ICAM1: variants seen among roughly 807,000 people sequenced by gnomAD.
ICAM1 encodes ICAM-1.
Under a neutral mutation model 42.3 loss-of-function variants are expected in ICAM1, and 28 were observed. That is an observed-to-expected ratio of 0.66 (90% confidence interval 0.49 to 0.91). The LOEUF is 0.91. ICAM1 is among the 40% of genes least tolerant of loss of function. ICAM1 has a pLI of 0.00. For synonymous variants in ICAM1, 304 were observed against 305.9 expected, an observed-to-expected ratio of 0.99 and a Z score of 0.07; for missense variants, 637 against 688.6, an observed-to-expected ratio of 0.93 and a Z score of 0.84.
chr19:10,279,341 C>T (rs1053305145), intron 2 of ICAM1, among the ~76,000 whole-genome samples: 3 of 151,688 alleles, frequency 2.0e-5, no homozygotes, highest in South Asian at 2.1e-4. Context: ...CCCAGGAGTT[C>T]GAGACCAGCC....
At chr19:10,272,305 C>T (rs1452127317) in intron 1 of ICAM1, among the ~76,000 whole-genome samples, 1 of 152,118 alleles carries the variant, frequency 6.6e-6, no homozygotes, top group Non-Finnish European at 1.5e-5. Flanking sequence ...GCGTTCTGAT[C>T]CGGACTCAGA....
rs540860740 is a variant in ICAM1 at position 10,282,690 on chromosome 19, G to GT, written c.332-780dup. On this transcript the variant is annotated intron_variant, in intron 2 of 6. Coordinates refer to ENST00000264832, the MANE Select transcript of ICAM1 (RefSeq NM_000201.3). The stretch of plus-strand genomic sequence containing the variant: ...CTGAGCCATCACACCTGGCCAACAG[G>GT]TTTTTTTTTTTGTTTTGTTTTGTTT... 7.3e-3 allele frequency among the ~76,000 whole-genome samples: 1,032 copies of GT among 141,620 alleles called. 11 individuals are homozygous for GT. Among genetic ancestry groups the GT allele is most frequent in the African/African-American group, 0.023 (912 of 40,130 alleles). 92.9% of individuals were successfully genotyped at this position (141,620 alleles called of 152,430 possible). A position where few individuals can be genotyped will look rare whatever the true frequency, so the allele number is the denominator to read the frequency against.
At chr19:10,273,795 C>T (rs1022215600) in intron 1 of ICAM1, among the ~76,000 whole-genome samples, 5 of 152,134 alleles carry the variant, frequency 3.3e-5, no homozygotes, top group African/African-American at 1.2e-4. Flanking sequence ...GGGCGGATCA[C>T]TTGAGGCCAG....
intron 2 of ICAM1, among the ~76,000 whole-genome samples, chr19:10,276,770 G>A (rs922757066): frequency 2.6e-5 from 4 of 151,584 alleles, no homozygotes; most frequent in East Asian, 2.0e-4. Flanking sequence ...TCAGGAGTTC[G>A]AGACCAGCCT....
intron 1 of ICAM1, among the ~76,000 whole-genome samples, chr19:10,271,690 GT>G (rs2039982317): frequency 6.6e-6 from 1 of 152,198 alleles, no homozygotes. Context: ...GATCATGATG[GT>G]TTGGGAACTT....
At chr19:10,277,267 A>C (rs954688746) in intron 2 of ICAM1, among the ~76,000 whole-genome samples, 4 of 151,228 alleles carry the variant, frequency 2.6e-5, no homozygotes, top group Non-Finnish European at 5.9e-5. Context: ...CGCAACCTTC[A>C]CCTCCTGAGT....
At chr19:10,275,063 G>A (rs543509991) in intron 2 of ICAM1, 35 bp downstream of exon 2, 1 of 1,603,774 alleles carries the variant, frequency 6.2e-7, no homozygotes, top group African/African-American at 1.3e-5. Flanking sequence ...GGACTAGGCA[G>A]ACCCGGTGGG....
chr19:10,271,316 T>C, intron 1 of ICAM1, 90 bp downstream of exon 1: 1 of 1,147,952 alleles, frequency 8.7e-7, no homozygotes, highest in Non-Finnish European at 1.3e-6. Flanking sequence ...CTTAGGTAGC[T>C]GTTTATGGGA....
intron 2 of ICAM1, 161 bp from the exon 3 acceptor site, chr19:10,283,320 C>T: frequency 1.5e-6 from 1 of 651,892 alleles, no homozygotes; most frequent in Admixed American, 2.7e-5. Flanking sequence ...GGCCCTCTTA[C>T]CAGTTTTCAC....
chr19:10,275,134 C>T lies in ICAM1; in HGVS notation c.331+106C>T. On this transcript the variant is annotated intron_variant, in intron 2 of 6. Coordinates refer to ENST00000264832, the MANE Select transcript of ICAM1 (RefSeq NM_000201.3). Reference sequence around the variant, plus strand: ...AATCTTTGCCACTTGCTCGTAGGGTCAAGGAGGGGCTCCTTGCAGGGCAGG... The same window carrying T: ...AATCTTTGCCACTTGCTCGTAGGGTTAAGGAGGGGCTCCTTGCAGGGCAGG... The T allele has an allele frequency of 3.5e-6, 4 of 1,144,548 alleles. No individual in the cohort carries two copies. The Admixed American group carries it at 6.4e-5, about 18-fold the overall frequency. The allele number at this position is 1,144,548 out of a possible 1,614,324, so 70.9% of individuals were successfully genotyped here. A position where few individuals can be genotyped will look rare whatever the true frequency, so the allele number is the denominator to read the frequency against.
rs140768360 is a variant in ICAM1, at chr19:10,284,938, A to G, written c.1336A>G (p.Thr446Ala). Residue 446 changes from threonine (T) to alanine (A), a missense_variant, in exon 6 of 7, where the codon ACT (threonine) becomes GCT (alanine). Physicochemically the swap from Thr to Ala is moderately conservative, Grantham distance 58 (BLOSUM62 0). Transcript: ENST00000264832. This position sits in a 1 kb window ranked among gnomAD's most constrained non-coding sequence, Gnocchi z 5.4. ...TFPLPIGESV[T>A]VTRDLEGTYL... The stretch of plus-strand genomic sequence containing the variant: ...CCCACTGCCCATCGGGGAATCAGTG[A>G]CTGTCACTCGAGATCTTGAGGGCAC... 169 of 1,609,264 alleles carry G rather than the reference A, an allele frequency of 1.1e-4. No homozygotes were observed. In the African/African-American group the frequency reaches 2.1e-3, roughly 20 times the overall value.
Position 10,283,780 on chromosome 19 carries a change from AC to A in ICAM1, c.633del (p.Phe212LeufsTer16). 1 of 1,598,036 alleles carries A rather than the reference AC, an allele frequency of 6.3e-7. No individual in the cohort carries two copies. The highest frequency in any genetic ancestry group is 8.5e-7 in the Non-Finnish European group (1 of 1,171,502). ...ENTSAPYQLQTFVLPATPPQL... is the reference protein window; with the variant it reads ...ENTSAPYQLQXFVLPATPPQL... ...CACCTCGGCCCCCTACCAGCTCCAG[AC>A]CTTTGGTGAGGATTGAAGAAGCCAG... On this transcript the variant is annotated frameshift_variant, in exon 3 of 7. Coordinates refer to ENST00000264832, the MANE Select transcript of ICAM1 (RefSeq NM_000201.3). LOFTEE classifies it high-confidence loss of function.
Position 10,285,318 on chromosome 19 carries a change from C to T in ICAM1, c.*31C>T. ...TCCCGGGACAGGGCCTCTTCCTCGGCCTTCCCATATTGGTGGCAGTGGTGC... is the reference window on the plus strand; with the variant it reads ...TCCCGGGACAGGGCCTCTTCCTCGGTCTTCCCATATTGGTGGCAGTGGTGC... On this transcript the variant is annotated 3_prime_UTR_variant, in exon 7 of 7. Coordinates refer to ENST00000264832, the MANE Select transcript of ICAM1 (RefSeq NM_000201.3). 2.5e-6 allele frequency: 4 copies of T among 1,603,462 alleles called. No homozygotes were observed. The highest frequency in any genetic ancestry group is 3.4e-6 in the Non-Finnish European group (4 of 1,173,462).
chr19:10,275,124 C>A, intron 2 of ICAM1, 96 bp downstream of exon 2: 1 of 1,306,662 alleles, frequency 7.7e-7, no homozygotes, highest in Non-Finnish European at 1.1e-6. Flanking sequence ...TTGCCACTTG[C>A]TCGTAGGGTC....
chr19:10,283,076 T>A (rs1157036832), intron 2 of ICAM1: 1 of 160,348 alleles, frequency 6.2e-6, no homozygotes, highest in Non-Finnish European at 1.4e-5. Flanking sequence ...TGGTGGTGTG[T>A]GCCTGTAATC....
Position 10,284,148 on chromosome 19 carries a change from C to G in ICAM1, c.753C>G (p.His251Gln), listed in dbSNP as rs930526340. ...GLFPVSEAQVHLALGDQRLNP... is the reference protein window; with the variant it reads ...GLFPVSEAQVQLALGDQRLNP... ...TCCCAGTCTCGGAGGCCCAGGTCCA[C>G]CTGGCACTGGGGGACCAGAGGTTGA... is the stretch of plus-strand genomic sequence containing the variant. The change falls in exon 4 of 7, where the codon CAC becomes CAG. Residue 251 changes from histidine to glutamine, a missense_variant. By Grantham distance (24) the His-to-Gln change is conservative. Transcript: ENST00000264832. This position sits in a 1 kb window ranked among gnomAD's most constrained non-coding sequence, Gnocchi z 5.4. 14 of 1,613,988 alleles carry G rather than the reference C, an allele frequency of 8.7e-6. No individual in the cohort carries two copies. The highest frequency in any genetic ancestry group is 1.7e-5 in the Admixed American group (1 of 59,996).
chr19:10,271,272 C>G lies in ICAM1; in HGVS notation c.67+46C>G, dbSNP rs1362409975. 4 of 1,550,996 alleles carry G rather than the reference C, an allele frequency of 2.6e-6. No individual in the cohort carries two copies. The African/African-American group carries it at 4.1e-5, about 16-fold the overall frequency. On this transcript the variant is annotated intron_variant, in intron 1 of 6. Coordinates refer to ENST00000264832, the MANE Select transcript of ICAM1 (RefSeq NM_000201.3). ...CCGTCGGGCCAGTTCTCCGAAGCCC[C>G]GGGAGGACCGGCTCCCGGGTCAGGT... is the stretch of plus-strand genomic sequence containing the variant.
rs759046761 is a variant in ICAM1, at chr19:10,283,664, C to T, written c.515C>T (p.Thr172Met). 44 of 1,613,802 alleles carry T rather than the reference C, an allele frequency of 2.7e-5. No homozygotes were observed. In the Admixed American group the frequency reaches 4.3e-4, roughly 16 times the overall value. The change falls in exon 3 of 7, where the codon ACG becomes ATG. Residue 172 changes from threonine (T) to methionine (M), a missense_variant. Transcript: ENST00000264832. ...GGGGAGCCCGCTGAGGTCACGACCA[C>T]GGTGCTGGTGAGGAGAGATCACCAT... is the stretch of plus-strand genomic sequence containing the variant. Reference protein sequence around the residue: ...AVGEPAEVTTTVLVRRDHHGA... With the variant: ...AVGEPAEVTTMVLVRRDHHGA...
At chr19:10,273,264 G>T (rs1052260881) in intron 1 of ICAM1, among the ~76,000 whole-genome samples, 2 of 151,982 alleles carry the variant, frequency 1.3e-5, no homozygotes, top group Non-Finnish European at 2.9e-5. Flanking sequence ...AGGCTGAGGC[G>T]GGCGGATTAC....
Sources: allele counts gnomAD v4.1 joint callset (sites outside exome capture counted in the v4.1 genomes callset), GRCh38; gene constraint gnomAD v4.1.1; non-coding constraint Gnocchi (gnomAD v3.1); transcripts MANE v1.5; gene names NCBI Gene and HGNC (gene_info 2026-07-23, HGNC 2026-07-21).